Variants in SPATA1 observed in about 807,000 individuals in gnomAD.
SPATA1 encodes the protein spermatogenesis-associated protein 1.
SPATA1 carries 57 observed loss-of-function variants against 59.6 expected under a neutral mutation model. The observed-to-expected ratio is 0.96, with a 90% confidence interval of 0.77 to 1.19. SPATA1 has a LOEUF of 1.19. Ranked by LOEUF, SPATA1 falls within the 50% of genes most tolerant of loss-of-function variation. The pLI, the probability that SPATA1 is intolerant of heterozygous loss-of-function variation, is 0.00. For missense variants in SPATA1, 448 were observed against 480.7 expected, an observed-to-expected ratio of 0.93 and a Z score of 0.64; for synonymous variants, 147 against 163.9, an observed-to-expected ratio of 0.90 and a Z score of 0.79.
intron 6 of SPATA1, chr1:84,527,609 A>G (rs1203840155): frequency 6.6e-6 from 1 of 151,888 alleles, no homozygotes; most frequent in Non-Finnish European, 1.5e-5. Flanking sequence ...CTCTTATATT[A>G]AAATATAAAC....
At chr1:84,558,906 AAAG>A (rs1029134037), downstream of SPATA1, among the ~76,000 whole-genome samples, 2 of 152,142 alleles carry the variant, frequency 1.3e-5, no homozygotes, top group Non-Finnish European at 2.9e-5. Flanking sequence ...GTCTAAAAAA[AAAG>A]AAGAATGTGT....
At chr1:84,559,985 T>C (rs907334591) in intron 4 of SPATA1, among the ~76,000 whole-genome samples, 1 of 147,332 alleles carries the variant, frequency 6.8e-6, no homozygotes, top group African/African-American at 2.5e-5. Context: ...TGGGGGAAGC[T>C]GAGGAGTAGA....
At chr1:84,528,469 T>G (rs1683324066) in intron 6 of SPATA1, among the ~76,000 whole-genome samples, 1 of 152,234 alleles carries the variant, frequency 6.6e-6, no homozygotes, top group South Asian at 2.1e-4. Flanking sequence ...TTATGTCTGT[T>G]TTGAATTTTA....
exon 13 of SPATA1, chr1:84,553,847 T>G (rs1349638272): frequency 6.6e-6 from 1 of 152,200 alleles, no homozygotes; most frequent in Non-Finnish European, 1.5e-5. Flanking sequence ...TAATCTGTAA[T>G]TAGGAACTAA....
At position 84,563,278 on chromosome 1, in the gene SPATA1, C is replaced by T. The variant is rs753024473; in HGVS notation, n.443-2583C>T. The stretch of plus-strand genomic sequence containing the variant: ...TTACTTTATAGTTATAATAAGGAGC[C>T]CGCTGATCTTTATCCCATAGGTTTC... On this transcript the variant is annotated intron_variant and non_coding_transcript_variant, in intron 4 of 4. Coordinates refer to the SPATA1 transcript ENST00000460286. 10 of 1,565,890 alleles carry T rather than the reference C, an allele frequency of 6.4e-6. No individual in the cohort carries two copies. In the South Asian group the frequency reaches 8.3e-5, roughly 13 times the overall value.
intron 2 of SPATA1, among the ~76,000 whole-genome samples, chr1:84,519,403 AT>A (rs1368904985): frequency 6.6e-6 from 1 of 151,898 alleles, no homozygotes; most frequent in Admixed American, 6.6e-5. Context: ...ATTTTTCAGT[AT>A]TTTTTCAACT....
intron 2 of SPATA1, among the ~76,000 whole-genome samples, chr1:84,517,529 T>C (rs1570394255): frequency 6.6e-6 from 1 of 152,070 alleles, no homozygotes; most frequent in East Asian, 1.9e-4. Flanking sequence ...TGAAACTGGA[T>C]TTTTTTCCCT....
intron 6 of SPATA1, among the ~76,000 whole-genome samples, chr1:84,527,943 G>A (rs1683299250): frequency 6.6e-6 from 1 of 151,960 alleles, no homozygotes; most frequent in South Asian, 2.1e-4. Flanking sequence ...GTTGGCCAGG[G>A]TGGTCTCGAA....
At chr1:84,541,744 T>C (rs1683911584) in intron 8 of SPATA1, among the ~76,000 whole-genome samples, 1 of 152,224 alleles carries the variant, frequency 6.6e-6, no homozygotes, top group Non-Finnish European at 1.5e-5. Flanking sequence ...TTTGAGGTTT[T>C]CTTCATAAGT....
In SPATA1 at chr1:84,520,578, T is replaced by C. The variant is rs747013211; in HGVS notation, c.37-7T>C. On this transcript the variant is annotated splice_polypyrimidine_tract_variant and splice_region_variant and intron_variant, in intron 2 of 12. Coordinates refer to ENST00000490879, the Ensembl canonical transcript of SPATA1. Reference sequence around the variant, plus strand: ...ATTTTAACCGATGTTCTTCTCAATTTATTCAGTTGGTGGAACTTCATGTTT... The same window carrying C: ...ATTTTAACCGATGTTCTTCTCAATTCATTCAGTTGGTGGAACTTCATGTTT... 6.7e-7 allele frequency: 1 copy of C among 1,485,418 alleles called. No individual in the cohort carries two copies. Among genetic ancestry groups the C allele is most frequent in the East Asian group, 2.4e-5 (1 of 42,552 alleles). The allele number at this position is 1,485,418 out of a possible 1,614,324, so 92.0% of individuals were successfully genotyped here.
chr1:84,547,236 C>T (rs1198730673), intron 10 of SPATA1, among the ~76,000 whole-genome samples: 3 of 152,186 alleles, frequency 2.0e-5, no homozygotes, highest in African/African-American at 4.8e-5. Context: ...AGGATTGTAA[C>T]ACCAGATCTA....
At chr1:84,514,728 T>G (rs537499635) in intron 1 of SPATA1, among the ~76,000 whole-genome samples, 222 of 152,298 alleles carry the variant, frequency 1.5e-3, no homozygotes, top group African/African-American at 5.1e-3. Context: ...CCCAGCACTT[T>G]GGGAGGCCGA....
chr1:84,562,056 C>A (rs1439613997), intron 4 of SPATA1, among the ~76,000 whole-genome samples: 1 of 152,122 alleles, frequency 6.6e-6, no homozygotes, highest in Non-Finnish European at 1.5e-5. Flanking sequence ...GAAACAGTTT[C>A]TAAGAACTGC....
Position 84,545,687 on chromosome 1 carries a change from G to T in SPATA1, c.874G>T (p.Glu292Ter). 6.5e-7 allele frequency: 1 copy of T among 1,535,948 alleles called. No individual in the cohort carries two copies. Residue 292 changes from glutamate (E) to a stop codon, truncating the protein, a stop_gained, in exon 10 of 13, where the codon GAA becomes TAA. Transcript: ENST00000490879. LOFTEE classifies it high-confidence loss of function. ...AGTAAAGGAAGAAAGAAGGTATCTG[G>T]AAAGAAATAGAGAAGAACTAGTAAA...
chr1:84,525,253 C>T (rs909833641), intron 4 of SPATA1, among the ~76,000 whole-genome samples: 1 of 152,214 alleles, frequency 6.6e-6, no homozygotes, highest in Non-Finnish European at 1.5e-5. Context: ...AGGCGTGAGT[C>T]ACCACGCCCA....
At chr1:84,555,466 G>C (rs1684400732), downstream of SPATA1, among the ~76,000 whole-genome samples, 1 of 152,168 alleles carries the variant, frequency 6.6e-6, no homozygotes, top group African/African-American at 2.4e-5. Context: ...GGATTTATCA[G>C]GGTATTTCGT....
At chr1:84,553,316 T>G in exon 13 of SPATA1, 1 of 311,874 alleles carries the variant, frequency 3.2e-6, no homozygotes. Context: ...TGAATGGTTA[T>G]TTTTAACATT....
intron 8 of SPATA1, among the ~76,000 whole-genome samples, chr1:84,543,982 T>A (rs79122722): frequency 0.027 from 4,141 of 152,304 alleles, 156 homozygotes; most frequent in East Asian, 0.13. Context: ...AGATTTTTTT[T>A]AAATTTTAAG....
chr1:84,506,389 T>G, upstream of SPATA1: 1 of 263,942 alleles, frequency 3.8e-6, no homozygotes, highest in Non-Finnish European at 7.3e-6. Flanking sequence ...AAGTTTTCTT[T>G]TCCTCTCCAG....
Sources: allele counts gnomAD v4.1 joint callset (sites outside exome capture counted in the v4.1 genomes callset), GRCh38; gene constraint gnomAD v4.1.1; transcripts MANE v1.5; gene names NCBI Gene and HGNC (gene_info 2026-07-23, HGNC 2026-07-21).